The following CACNA2D3 variants were observed in gnomAD, a reference collection of about 807,000 sequenced individuals.
CACNA2D3 encodes voltage-dependent calcium channel subunit alpha-2/delta-3.
Under a neutral mutation model 160.6 loss-of-function variants are expected in CACNA2D3, and 60 were observed. The ratio of observed to expected loss-of-function variants is 0.37; its 90% CI spans 0.30 to 0.46. The LOEUF is 0.46. CACNA2D3 is among the 20% of genes least tolerant of loss of function. The pLI, the probability that CACNA2D3 is intolerant of heterozygous loss-of-function variation, is 1.00. For synonymous variants in CACNA2D3, 558 were observed against 492.9 expected, an observed-to-expected ratio of 1.13 and a Z score of -1.75; for missense variants, 1,205 against 1,365.0, an observed-to-expected ratio of 0.88 and a Z score of 1.85.
intron 3 of CACNA2D3, among the ~76,000 whole-genome samples, chr3:54,367,077 A>G (rs140781895): frequency 3.4e-4 from 52 of 152,318 alleles, no homozygotes; most frequent in African/African-American, 1.1e-3. Context: ...CTTCGAATCT[A>G]TCCATCGTTG....
At position 54,699,805 on chromosome 3, in the gene CACNA2D3, T is replaced by A. The variant is rs559734845; in HGVS notation, c.1168-52794T>A. On this transcript the variant is annotated intron_variant, in intron 11 of 37. Transcript: ENST00000474759. ...GTGAGATTAAATGGAAAGTACTTAA[T>A]ATGTGCTAAATAATATTAATTTGGC... Among the ~76,000 whole-genome samples, 25 of 152,328 alleles carry A rather than the reference T, an allele frequency of 1.6e-4. No individual in the cohort carries two copies. The South Asian group carries it at 5.2e-3, about 32-fold the overall frequency.
intron 29 of CACNA2D3, among the ~76,000 whole-genome samples, chr3:54,982,322 A>T (rs1442837614): frequency 1.3e-5 from 2 of 152,150 alleles, no homozygotes; most frequent in African/African-American, 2.4e-5. Context: ...AGTTTGATCA[A>T]GCATCTTTGC....
At chr3:54,436,397 A>T (rs1423103766) in intron 4 of CACNA2D3, among the ~76,000 whole-genome samples, 1 of 152,230 alleles carries the variant, frequency 6.6e-6, no homozygotes, top group African/African-American at 2.4e-5. Flanking sequence ...AGAACCAGAA[A>T]TACCATTTGA....
intron 8 of CACNA2D3, 54 bp downstream of exon 8, chr3:54,570,158 T>C (rs1184636549): frequency 6.4e-7 from 1 of 1,571,100 alleles, no homozygotes; most frequent in Admixed American, 1.7e-5. Context: ...GATCTTTTGG[T>C]AGTGACTGGT....
At chr3:54,677,294 G>A (rs1215238746) in intron 11 of CACNA2D3, among the ~76,000 whole-genome samples, 4 of 152,136 alleles carry the variant, frequency 2.6e-5, no homozygotes, top group Non-Finnish European at 5.9e-5. Context: ...CAGGAAGAGG[G>A]AAAATAAAAA....
chr3:54,462,060 G>T (rs548471282), intron 4 of CACNA2D3, among the ~76,000 whole-genome samples: 8 of 152,226 alleles, frequency 5.3e-5, no homozygotes, highest in African/African-American at 1.9e-4. Flanking sequence ...GGAGCAGGTT[G>T]TTCAGTTTCC....
At chr3:54,414,821 A>C (rs965762795) in intron 4 of CACNA2D3, among the ~76,000 whole-genome samples, 2 of 145,114 alleles carry the variant, frequency 1.4e-5, no homozygotes, top group Non-Finnish European at 3.0e-5. Context: ...TTTTTTTTCC[A>C]ACTGGGCTTT....
At chr3:54,294,940 C>T (rs1193454309) in intron 2 of CACNA2D3, among the ~76,000 whole-genome samples, 1 of 150,084 alleles carries the variant, frequency 6.7e-6, no homozygotes, top group African/African-American at 2.5e-5. Context: ...TGAAGCTACA[C>T]CAGATCATTG....
intron 11 of CACNA2D3, among the ~76,000 whole-genome samples, chr3:54,737,598 G>A (rs113761361): frequency 1.3e-5 from 2 of 152,112 alleles, no homozygotes; most frequent in South Asian, 4.1e-4. Flanking sequence ...CAGGGAAGGG[G>A]TCAGGACATT....
intron 11 of CACNA2D3, among the ~76,000 whole-genome samples, chr3:54,645,133 G>A (rs1382153282): frequency 1.3e-5 from 2 of 152,182 alleles, no homozygotes; most frequent in Non-Finnish European, 2.9e-5. Flanking sequence ...GAGGCCTCAG[G>A]AAACTTACAA....
intron 3 of CACNA2D3, among the ~76,000 whole-genome samples, chr3:54,362,850 C>T (rs1282419538): frequency 1.3e-5 from 2 of 152,126 alleles, no homozygotes; most frequent in African/African-American, 2.4e-5. Flanking sequence ...CTGTTGATAT[C>T]GCAATGAGAT....
chr3:54,802,836 C>T (rs1431835644), intron 13 of CACNA2D3, among the ~76,000 whole-genome samples: 2 of 152,200 alleles, frequency 1.3e-5, no homozygotes, highest in East Asian at 1.9e-4. Context: ...ACATCTCACA[C>T]GGCCGGGTAC....
At chr3:54,269,756 G>A (rs1040827430) in intron 2 of CACNA2D3, among the ~76,000 whole-genome samples, 4 of 152,178 alleles carry the variant, frequency 2.6e-5, no homozygotes, top group Admixed American at 2.6e-4. Flanking sequence ...AGGTGGATGA[G>A]TTTTTAAAAG....
intron 17 of CACNA2D3, among the ~76,000 whole-genome samples, chr3:54,856,523 T>C (rs528436973): frequency 6.6e-6 from 1 of 152,310 alleles, no homozygotes; most frequent in South Asian, 2.1e-4. Flanking sequence ...ACACCTGTCA[T>C]GTGGCAGACA....
chr3:54,942,202 A>C (rs2106987617), intron 27 of CACNA2D3, among the ~76,000 whole-genome samples: 1 of 152,326 alleles, frequency 6.6e-6, no homozygotes, highest in Middle Eastern at 3.4e-3. Context: ...ATCTCTGCCC[A>C]GGTGTGTCAG....
At chr3:54,642,713 A>G (rs939547336) in intron 11 of CACNA2D3, among the ~76,000 whole-genome samples, 1 of 151,990 alleles carries the variant, frequency 6.6e-6, no homozygotes, top group East Asian at 1.9e-4. Flanking sequence ...CATTGTCAGA[A>G]CTTGTCTGTT....
intron 2 of CACNA2D3, among the ~76,000 whole-genome samples, chr3:54,142,918 A>C (rs1699963152): frequency 6.6e-6 from 1 of 152,124 alleles, no homozygotes; most frequent in African/African-American, 2.4e-5. Flanking sequence ...TGTGAAAATG[A>C]TTGTGCTAGT....
At chr3:54,824,326 G>C (rs1050770708) in intron 14 of CACNA2D3, among the ~76,000 whole-genome samples, 1 of 152,168 alleles carries the variant, frequency 6.6e-6, no homozygotes, top group Non-Finnish European at 1.5e-5. Flanking sequence ...CACCGTGGAG[G>C]TCACCCACCC....
chr3:54,303,463 A>G (rs1703525286), intron 2 of CACNA2D3, among the ~76,000 whole-genome samples: 1 of 152,204 alleles, frequency 6.6e-6, no homozygotes. Context: ...GAGTGCATAT[A>G]TCAAGTCTCT....
Sources: allele counts gnomAD v4.1 joint callset (sites outside exome capture counted in the v4.1 genomes callset), GRCh38; gene constraint gnomAD v4.1.1; transcripts MANE v1.5; gene names NCBI Gene and HGNC (gene_info 2026-07-23, HGNC 2026-07-21).